Variants in RIMS2 observed in about 807,000 individuals in gnomAD.
RIMS2 encodes regulating synaptic membrane exocytosis 2, also known as regulating synaptic membrane exocytosis protein 2.
Under a neutral mutation model 174.4 loss-of-function variants are expected in RIMS2, and 59 were observed. The observed-to-expected ratio is 0.34, with a 90% CI of 0.27 to 0.42. The LOEUF (loss-of-function observed/expected upper bound fraction) is 0.42, where lower values mean the gene tolerates loss of function less well. Ranked by LOEUF, RIMS2 falls within the 10% of genes least tolerant of loss-of-function variation. The pLI is 1.00. For synonymous variants in RIMS2, 606 were observed against 572.5 expected, an observed-to-expected ratio of 1.06 and a Z score of -0.84; for missense variants, 1,620 against 1,666.3, an observed-to-expected ratio of 0.97 and a Z score of 0.48.
chr8:103,539,478 C>T, intron 1 of RIMS2, among the ~76,000 whole-genome samples: 1 of 152,098 alleles, frequency 6.6e-6, no homozygotes. Context: ...GGAGAATATC[C>T]AAACAGAAAT....
intron 1 of RIMS2, among the ~76,000 whole-genome samples, chr8:103,590,966 G>A (rs906287883): frequency 4.6e-5 from 7 of 150,808 alleles, no homozygotes; most frequent in African/African-American, 1.5e-4. Context: ...AAATTGCCAG[G>A]CCTTTTTCCA....
At chr8:103,876,909 T>TATATATATATATACACACAC (rs71297243) in intron 3 of RIMS2, among the ~76,000 whole-genome samples, 1 of 66,110 alleles carries the variant, frequency 1.5e-5, no homozygotes, top group Non-Finnish European at 3.6e-5. Flanking sequence ...TATATATATA[T>TATATATATATATACACACAC]ACACACACAC....
intron 1 of RIMS2, among the ~76,000 whole-genome samples, chr8:103,546,550 A>G (rs1845205333): frequency 6.6e-6 from 1 of 152,020 alleles, no homozygotes; most frequent in Non-Finnish European, 1.5e-5. Context: ...CAGCTACAGA[A>G]CTCTTCACCC....
intron 19 of RIMS2, among the ~76,000 whole-genome samples, chr8:104,025,166 C>G (rs2096221669): frequency 6.6e-6 from 1 of 152,038 alleles, no homozygotes; most frequent in East Asian, 1.9e-4. Context: ...TTTAAAATAA[C>G]TTGGTATGTT....
chr8:104,207,974 G>T (rs1353713721), intron 19 of RIMS2, among the ~76,000 whole-genome samples: 1 of 151,814 alleles, frequency 6.6e-6, no homozygotes, highest in African/African-American at 2.4e-5. Context: ...TTGCTATGGT[G>T]CCCCAGCTGG....
intron 1 of RIMS2, among the ~76,000 whole-genome samples, chr8:103,619,831 C>G (rs948421288): frequency 6.6e-6 from 1 of 152,040 alleles, no homozygotes; most frequent in African/African-American, 2.4e-5. Context: ...TATAACAGTT[C>G]CTAGAAAAGG....
chr8:104,188,236 TA>T (rs1446352819), intron 19 of RIMS2, among the ~76,000 whole-genome samples: 5 of 138,044 alleles, frequency 3.6e-5, no homozygotes, highest in African/African-American at 1.4e-4. Flanking sequence ...GATAGATAGA[TA>T]GATAGATAGA....
chr8:103,715,771 A>C (rs1185639592), intron 2 of RIMS2, among the ~76,000 whole-genome samples: 1 of 152,202 alleles, frequency 6.6e-6, no homozygotes, highest in East Asian at 1.9e-4. Flanking sequence ...CTTTTTAGTT[A>C]TATTAAGTAT....
At chr8:103,639,802 T>A (rs2096182991) in intron 1 of RIMS2, among the ~76,000 whole-genome samples, 1 of 151,942 alleles carries the variant, frequency 6.6e-6, no homozygotes, top group African/African-American at 2.4e-5. Context: ...TTTGACTACA[T>A]ACCTAGAAAG....
chr8:104,197,191 T>C (rs1266263433), intron 19 of RIMS2, among the ~76,000 whole-genome samples: 1 of 151,876 alleles, frequency 6.6e-6, no homozygotes, highest in Admixed American at 6.6e-5. Context: ...TTTTTTTTTT[T>C]TGAGATGAAG....
intron 3 of RIMS2, among the ~76,000 whole-genome samples, chr8:103,796,545 C>T (rs1297553964): frequency 2.0e-5 from 3 of 151,948 alleles, no homozygotes; most frequent in African/African-American, 7.2e-5. Flanking sequence ...ACTTTTTTTC[C>T]TTTCCCCTAT....
chr8:103,571,341 T>A (rs1183855330), intron 1 of RIMS2, among the ~76,000 whole-genome samples: 1 of 152,196 alleles, frequency 6.6e-6, no homozygotes, highest in Non-Finnish European at 1.5e-5. Flanking sequence ...ACATTTGCAT[T>A]GTTCCCTTTT....
intron 19 of RIMS2, among the ~76,000 whole-genome samples, chr8:104,025,983 G>C (rs1480064479): frequency 6.7e-6 from 1 of 148,558 alleles, no homozygotes; most frequent in African/African-American, 2.4e-5. Flanking sequence ...ATCTAGGTTT[G>C]TGTGAGTACA....
chr8:103,777,646 A>G (rs940152985), intron 3 of RIMS2, among the ~76,000 whole-genome samples: 2 of 151,966 alleles, frequency 1.3e-5, no homozygotes, highest in East Asian at 1.9e-4. Context: ...ACAGTGCTTT[A>G]TGCTAATTAG....
At chr8:104,074,019 CTGTT>C (rs1024114373) in intron 19 of RIMS2, among the ~76,000 whole-genome samples, 119 of 152,256 alleles carry the variant, frequency 7.8e-4, no homozygotes, top group African/African-American at 2.6e-3. Context: ...GTTATCTAAA[CTGTT>C]TGTTTCATTT....
At chr8:103,866,634 A>T (rs1564996603) in intron 3 of RIMS2, among the ~76,000 whole-genome samples, 2 of 152,204 alleles carry the variant, frequency 1.3e-5, no homozygotes, top group East Asian at 1.9e-4. Flanking sequence ...TCTGTCAAAG[A>T]TTTGTGCTTT....
intron 3 of RIMS2, among the ~76,000 whole-genome samples, chr8:103,776,570 A>G (rs2098319666): frequency 6.6e-6 from 1 of 152,020 alleles, no homozygotes; most frequent in African/African-American, 2.4e-5. Flanking sequence ...TTATTTGGTA[A>G]TTTTAAAAAT....
rs1477780699 is a variant in RIMS2, at chr8:103,586,757, T to A, written c.176+85695T>A. 5.3e-5 allele frequency among the ~76,000 whole-genome samples: 8 copies of A among 151,792 alleles called. No homozygotes were observed. The East Asian group carries it at 1.5e-3, about 29-fold the overall frequency. ...GAATAAAGATCAGAGTAGAAATCAATGGAATTGAAATGAAACAACACAAAA... is the reference window on the plus strand; with the variant it reads ...GAATAAAGATCAGAGTAGAAATCAAAGGAATTGAAATGAAACAACACAAAA... On this transcript the variant is annotated intron_variant, in intron 1 of 23. Coordinates refer to ENST00000504942, the Ensembl canonical transcript of RIMS2.
intron 1 of RIMS2, among the ~76,000 whole-genome samples, chr8:103,553,950 A>G (rs1011721563): frequency 6.1e-5 from 3 of 48,978 alleles, no homozygotes; most frequent in African/African-American, 4.4e-4. Context: ...TAGCAGTGGG[A>G]AAAGGACCCC....
Sources: allele counts gnomAD v4.1 joint callset (sites outside exome capture counted in the v4.1 genomes callset), GRCh38; gene constraint gnomAD v4.1.1; transcripts MANE v1.5; gene names NCBI Gene and HGNC (gene_info 2026-07-23, HGNC 2026-07-21).